The following SPATS2L variants were observed in gnomAD, a reference collection of about 807,000 sequenced individuals.
SPATS2L encodes SPATS2-like protein.
SPATS2L carries 30 observed loss-of-function variants against 59.6 expected under a neutral mutation model. The observed-to-expected ratio is 0.50, with a 90% CI of 0.38 to 0.68. SPATS2L has a LOEUF of 0.68. Ranked by LOEUF, SPATS2L falls within the 30% of genes least tolerant of loss-of-function variation. SPATS2L has a pLI of 0.00. For missense variants in SPATS2L, 615 were observed against 700.0 expected (o/e 0.88, Z 1.37); for synonymous variants, 252 against 263.5 (o/e 0.96, Z 0.42).
chr2:200,352,342 T>TCG (rs2080768010), intron 2 of SPATS2L, among the ~76,000 whole-genome samples: 1 of 17,406 alleles, frequency 5.7e-5, no homozygotes, highest in Non-Finnish European at 4.0e-4. Context: ...TATATATATA[T>TCG]ATATATATAT....
intron 2 of SPATS2L, among the ~76,000 whole-genome samples, chr2:200,380,618 C>G (rs888308945): frequency 3.3e-5 from 5 of 152,192 alleles, no homozygotes; most frequent in African/African-American, 9.7e-5. Context: ...TTCTTCCCCC[C>G]ACAAAGAACT....
intron 2 of SPATS2L, among the ~76,000 whole-genome samples, chr2:200,368,228 T>C (rs1292578961): frequency 6.6e-6 from 1 of 152,062 alleles, no homozygotes; most frequent in Non-Finnish European, 1.5e-5. Flanking sequence ...AAGAAAAAAA[T>C]TCAGTGTCCA....
At chr2:200,393,112 T>C (rs534258864) in intron 3 of SPATS2L, 3 of 432,712 alleles carry the variant, frequency 6.9e-6, no homozygotes, top group Non-Finnish European at 9.3e-6. Context: ...AGAATCTGGG[T>C]TGGGCGCCAT....
At chr2:200,393,132 C>A (rs888102682) in intron 3 of SPATS2L, 3 of 449,690 alleles carry the variant, frequency 6.7e-6, no homozygotes, top group Admixed American at 2.4e-5. Context: ...TGGTGCTGAT[C>A]GAGGATTGGC....
intron 3 of SPATS2L, among the ~76,000 whole-genome samples, chr2:200,400,678 T>G (rs2082497882): frequency 6.6e-6 from 1 of 152,100 alleles, no homozygotes; most frequent in Non-Finnish European, 1.5e-5. Flanking sequence ...ATTTTACTAT[T>G]TTTTTTAGAT....
rs11898827 is a variant in SPATS2L at position 200,453,836 on chromosome 2, G to C, written c.789-5933G>C. ...AAATGGAAATTCTTTATGCAGGGAA[G>C]CCTGGCTGTAGGGCTTATCAGTCTT... On this transcript the variant is annotated intron_variant, in intron 8 of 12. Transcript: ENST00000409140. 3.4e-3 allele frequency among the ~76,000 whole-genome samples: 516 copies of C among 152,314 alleles called. 1 individual carries two copies. Among genetic ancestry groups the C allele is most frequent in the African/African-American group, 0.011 (467 of 41,572 alleles).
At chr2:200,419,120 T>C in intron 5 of SPATS2L, 130 bp from the exon 6 acceptor site, 1 of 821,900 alleles carries the variant, frequency 1.2e-6, no homozygotes, top group Non-Finnish European at 1.9e-6. Context: ...GATGTAAATA[T>C]TCTTCATCCA....
At chr2:200,352,797 G>A (rs1298934058) in intron 2 of SPATS2L, among the ~76,000 whole-genome samples, 1 of 152,110 alleles carries the variant, frequency 6.6e-6, no homozygotes, top group Non-Finnish European at 1.5e-5. Flanking sequence ...AATTCCTCTA[G>A]GTGCTGATAA....
upstream of SPATS2L, chr2:200,306,076 G>C (rs955706977): frequency 1.0e-6 from 1 of 985,596 alleles, no homozygotes; most frequent in South Asian, 4.7e-5. Context: ...CCGCAGCGCA[G>C]AGGAGGCGGC....
chr2:200,375,158 C>G (rs917988929), intron 2 of SPATS2L, among the ~76,000 whole-genome samples: 1 of 152,048 alleles, frequency 6.6e-6, no homozygotes, highest in Non-Finnish European at 1.5e-5. Context: ...ATGAAGCGTC[C>G]GTAAAGTGCA....
intron 2 of SPATS2L, among the ~76,000 whole-genome samples, chr2:200,339,950 C>T (rs1423595051): frequency 6.6e-6 from 1 of 152,024 alleles, no homozygotes; most frequent in Non-Finnish European, 1.5e-5. Flanking sequence ...TCGGGGGTGC[C>T]CTGAGTTCCT....
At chr2:200,444,655 C>A (rs1471119565) in intron 8 of SPATS2L, among the ~76,000 whole-genome samples, 1 of 152,082 alleles carries the variant, frequency 6.6e-6, no homozygotes, top group East Asian at 1.9e-4. Flanking sequence ...TCTTTTTTCC[C>A]GAAGCAATGC....
chr2:200,322,004 T>C (rs2079575558), intron 1 of SPATS2L, among the ~76,000 whole-genome samples: 1 of 152,234 alleles, frequency 6.6e-6, no homozygotes, highest in Admixed American at 6.5e-5. Context: ...CCTATCTTTT[T>C]GAGGCTTGCA....
intron 8 of SPATS2L, among the ~76,000 whole-genome samples, chr2:200,451,981 A>G (rs1388402176): frequency 2.0e-5 from 3 of 152,102 alleles, no homozygotes; most frequent in Admixed American, 2.0e-4. Context: ...GTTTTTTAGT[A>G]GAGATGGGGT....
At chr2:200,445,714 G>A (rs755073555) in intron 8 of SPATS2L, among the ~76,000 whole-genome samples, 1 of 152,128 alleles carries the variant, frequency 6.6e-6, no homozygotes, top group Non-Finnish European at 1.5e-5. Flanking sequence ...GTCCAAGTAA[G>A]ACCATCACTT....
At chr2:200,406,003 A>C (rs187915386) in intron 3 of SPATS2L, among the ~76,000 whole-genome samples, 18 of 152,330 alleles carry the variant, frequency 1.2e-4, no homozygotes, top group Admixed American at 5.9e-4. Flanking sequence ...TAAAACTAGA[A>C]TATGTCAGTA....
chr2:200,360,489 A>G (rs2081060290), intron 2 of SPATS2L, among the ~76,000 whole-genome samples: 1 of 152,210 alleles, frequency 6.6e-6, no homozygotes, highest in Admixed American at 6.5e-5. Context: ...CCTGCACCCA[A>G]AGCTTATTGC....
chr2:200,388,101 T>C (rs1169477221), intron 2 of SPATS2L, among the ~76,000 whole-genome samples: 3 of 152,136 alleles, frequency 2.0e-5, no homozygotes, highest in Non-Finnish European at 2.9e-5. Context: ...TTATGGACAA[T>C]AAAAATTACA....
chr2:200,377,506 A>AT (rs2081639827), intron 2 of SPATS2L, among the ~76,000 whole-genome samples: 1 of 152,156 alleles, frequency 6.6e-6, no homozygotes, highest in Non-Finnish European at 1.5e-5. Flanking sequence ...AACATGTAGA[A>AT]TGTATGTGTT....
Sources: allele counts gnomAD v4.1 joint callset (sites outside exome capture counted in the v4.1 genomes callset), GRCh38; gene constraint gnomAD v4.1.1; transcripts MANE v1.5; gene names NCBI Gene and HGNC (gene_info 2026-07-23, HGNC 2026-07-21).